Variants in ZFP30 observed in about 807,000 individuals in gnomAD.
The protein encoded by ZFP30 is ZFP30 zinc finger protein.
A neutral mutation model predicts 12.3 loss-of-function variants in ZFP30; 16 were observed. The observed-to-expected ratio is 1.30, with a 90% CI of 0.88 to 1.98. ZFP30 has a LOEUF of 1.98. Ranked by LOEUF, ZFP30 falls within the 30% of genes most tolerant of loss-of-function variation. ZFP30 has a pLI of 0.00. For synonymous variants in ZFP30, 172 were observed against 201.0 expected (o/e 0.86, Z 1.22); for missense variants, 560 against 611.2 (o/e 0.92, Z 0.88).
intron 5 of ZFP30, among the ~76,000 whole-genome samples, chr19:37,638,438 G>A (rs1365775907): frequency 6.6e-6 from 1 of 152,102 alleles, no homozygotes; most frequent in Non-Finnish European, 1.5e-5. Flanking sequence ...TTTTGCAAAT[G>A]CACCTGTTCT....
At chr19:37,643,115 G>A in intron 5 of ZFP30, 150 bp downstream of exon 5, 1 of 497,934 alleles carries the variant, frequency 2.0e-6, no homozygotes, top group Non-Finnish European at 3.6e-6. Flanking sequence ...TGGATGAAAT[G>A]TCTTTGATGG....
At chr19:37,653,075 G>T (rs951122736) in intron 2 of ZFP30, among the ~76,000 whole-genome samples, 14 of 147,122 alleles carry the variant, frequency 9.5e-5, no homozygotes, top group Non-Finnish European at 1.9e-4. Flanking sequence ...TGAGATTTCG[G>T]CATTGCACTC....
chr19:37,643,422 G>A, intron 4 of ZFP30, 59 bp from the exon 5 acceptor site: 1 of 1,256,044 alleles, frequency 8.0e-7, no homozygotes, highest in Non-Finnish European at 1.1e-6. Context: ...AAACAAAGAA[G>A]ACTATCAGGA....
chr19:37,655,835 G>A (rs1183972902), upstream of ZFP30: 1 of 151,062 alleles, frequency 6.6e-6, no homozygotes, highest in Admixed American at 6.6e-5. Flanking sequence ...TTTGGAAATC[G>A]GCTTCTGCCT....
At chr19:37,644,422 T>C (rs1832967150) in intron 4 of ZFP30, 188 bp downstream of exon 4, 18 of 436,536 alleles carry the variant, frequency 4.1e-5, no homozygotes, top group Non-Finnish European at 7.2e-5. Flanking sequence ...TAGTCCCAGC[T>C]ACTCGGGAGG....
At chr19:37,653,135 A>G (rs1270527836) in intron 2 of ZFP30, among the ~76,000 whole-genome samples, 1 of 151,452 alleles carries the variant, frequency 6.6e-6, no homozygotes, top group Admixed American at 6.6e-5. Context: ...AAAAAAAAAA[A>G]GAAAGAAAAA....
intron 3 of ZFP30, 66 bp from the exon 4 acceptor site, chr19:37,644,802 G>A: frequency 6.5e-7 from 1 of 1,528,234 alleles, no homozygotes; most frequent in Non-Finnish European, 8.8e-7. Flanking sequence ...GGAAGAAGGT[G>A]GCTGGGTGTA....
rs778308787 is a variant in ZFP30 at position 37,636,282 on chromosome 19, T to C, written c.259A>G (p.Lys87Glu). ...TLDLESRYDTKKLFQGKDIYE... is the reference protein window; with the variant it reads ...TLDLESRYDTEKLFQGKDIYE... ...ATATCCTTTCCTTGAAATAACTTTT[T>C]AGTGTCATATCTGGATTCCAAATCT... Residue 87 changes from lysine to glutamate, a missense_variant, in exon 6 of 6, where the codon AAA (lysine) becomes GAA (glutamate). Coordinates refer to ENST00000684514, the MANE Select transcript of ZFP30 (RefSeq NM_001320669.3). 3.8e-6 allele frequency: 6 copies of C among 1,599,668 alleles called. No homozygotes were observed. Among genetic ancestry groups the C allele is most frequent in the Non-Finnish European group, 5.1e-6 (6 of 1,174,226 alleles).
Position 37,636,040 on chromosome 19 carries a change from A to G in ZFP30, c.501T>C (p.Phe167=). 6.2e-7 allele frequency: 1 copy of G among 1,614,096 alleles called. No individual in the cohort carries two copies. The highest frequency in any genetic ancestry group is 8.5e-7 in the Non-Finnish European group (1 of 1,180,024). ...PYECGECGKA[F]RVRQQLTFHQ... Reference sequence around the variant, plus strand: ...GGAAAGTAAGTTGTTGTCGTACTCTAAAAGCCTTCCCACATTCCCCACATT... The same window carrying G: ...GGAAAGTAAGTTGTTGTCGTACTCTGAAAGCCTTCCCACATTCCCCACATT... The change falls in exon 6 of 6, where the codon TTT becomes TTC. Residue 167 remains phenylalanine (F), a synonymous_variant. Coordinates refer to ENST00000684514, the MANE Select transcript of ZFP30 (RefSeq NM_001320669.3).
Position 37,631,096 on chromosome 19 carries a change from A to G in ZFP30, c.*3885T>C, listed in dbSNP as rs942601249. 1 of 152,230 alleles carries G rather than the reference A, an allele frequency of 6.6e-6. No homozygotes were observed. Among genetic ancestry groups the G allele is most frequent in the Non-Finnish European group, 1.5e-5 (1 of 68,040 alleles). The allele number at this position is 152,230 out of a possible 1,614,324, so 9.4% of individuals were successfully genotyped here. A position where few individuals can be genotyped will look rare whatever the true frequency, so the allele number is the denominator to read the frequency against. ...GACTTTAGAACATGATGCCACATCC[A>G]GGGAAACATACCTCACATCCACCTT... On this transcript the variant is annotated 3_prime_UTR_variant, in exon 6 of 6. Coordinates refer to ENST00000684514, the MANE Select transcript of ZFP30 (RefSeq NM_001320669.3).
chr19:37,647,405 G>A (rs1483867020), intron 3 of ZFP30, among the ~76,000 whole-genome samples: 2 of 152,206 alleles, frequency 1.3e-5, no homozygotes, highest in Non-Finnish European at 2.9e-5. Flanking sequence ...ATGGCAGTGA[G>A]TAAGTCTCAC....
chr19:37,647,912 C>A lies in ZFP30; in HGVS notation c.-77-13G>T, dbSNP rs1040496712. 2.1e-6 allele frequency: 3 copies of A among 1,457,414 alleles called. No individual in the cohort carries two copies. In the African/African-American group the frequency reaches 4.2e-5, roughly 21 times the overall value. The allele number at this position is 1,457,414 out of a possible 1,614,324, so 90.3% of individuals were successfully genotyped here. On this transcript the variant is annotated splice_polypyrimidine_tract_variant and intron_variant, in intron 2 of 5. Transcript: ENST00000684514. Reference sequence around the variant, plus strand: ...ACAGACACCAGAGCTGCAGAAAGAACATGTAAAATCATGAGAAGAGAACTG... The same window carrying A: ...ACAGACACCAGAGCTGCAGAAAGAAAATGTAAAATCATGAGAAGAGAACTG...
chr19:37,643,181 T>C lies in ZFP30; in HGVS notation c.235+84A>G, dbSNP rs574567772. On this transcript the variant is annotated intron_variant, in intron 5 of 5. Coordinates refer to ENST00000684514, the MANE Select transcript of ZFP30 (RefSeq NM_001320669.3). ...CAAGTTTCAGGTCTCTTCTTCACAA[T>C]TGACATCTAAGGGGTGTGTCTCCTC... 2.4e-4 allele frequency: 254 copies of C among 1,045,652 alleles called. 1 individual carries two copies. The highest frequency in any genetic ancestry group is 1.9e-3 in the African/African-American group (114 of 59,646). The allele number at this position is 1,045,652 out of a possible 1,614,324, so 64.8% of individuals were successfully genotyped here.
In ZFP30 at chr19:37,636,117, G is replaced by A; in HGVS notation, c.424C>T (p.Leu142Phe). The part of the protein sequence containing the change: ...TSEKMPTYRK[L>F]TSLPLYQKSH... ...TTCTGATACAGAGGAAGAGATGTGA[G>A]TTTTCTGTAAGTAGGCATTTTTTCA... is the stretch of plus-strand genomic sequence containing the variant. The change falls in exon 6 of 6, where the codon CTC (leucine) becomes TTC (phenylalanine). Residue 142 changes from leucine to phenylalanine, a missense_variant. Transcript: ENST00000684514. The A allele has an allele frequency of 1.2e-6, 2 of 1,614,170 alleles. No homozygotes were observed. Among genetic ancestry groups the A allele is most frequent in the Non-Finnish European group, 8.5e-7 (1 of 1,180,040 alleles).
chr19:37,646,896 T>C (rs1485597495), intron 3 of ZFP30, among the ~76,000 whole-genome samples: 1 of 152,180 alleles, frequency 6.6e-6, no homozygotes, highest in East Asian at 1.9e-4. Flanking sequence ...GAGCCACCAC[T>C]GTCAGGGCCT....
At chr19:37,647,183 C>T (rs1331831380) in intron 3 of ZFP30, among the ~76,000 whole-genome samples, 1 of 152,144 alleles carries the variant, frequency 6.6e-6, no homozygotes, top group Non-Finnish European at 1.5e-5. Flanking sequence ...CTAGGAACTT[C>T]ATTTCTGCCC....
chr19:37,638,656 A>G (rs2044376133), intron 5 of ZFP30, among the ~76,000 whole-genome samples: 1 of 152,262 alleles, frequency 6.6e-6, no homozygotes, highest in Non-Finnish European at 1.5e-5. Flanking sequence ...AACAACAAGA[A>G]TTAACAAACT....
chr19:37,642,784 G>A (rs530437918), intron 5 of ZFP30, among the ~76,000 whole-genome samples: 6 of 152,160 alleles, frequency 3.9e-5, no homozygotes, highest in East Asian at 1.9e-4. Flanking sequence ...GGCCAGGCGC[G>A]GTGGCTCACG....
intron 2 of ZFP30, among the ~76,000 whole-genome samples, chr19:37,648,856 T>A (rs1474891848): frequency 6.6e-6 from 1 of 152,184 alleles, no homozygotes; most frequent in Non-Finnish European, 1.5e-5. Flanking sequence ...CAATATTGCC[T>A]GCATGATCTC....
Sources: gnomAD v4.1 joint callset for allele counts (sites outside exome capture counted in the v4.1 genomes callset) on GRCh38, gnomAD v4.1.1 for gene constraint, MANE v1.5 for transcripts, NCBI Gene and HGNC (gene_info 2026-07-23, HGNC 2026-07-21) for gene names.